The following CNTNAP2 variants were observed in gnomAD, a reference collection of about 807,000 sequenced individuals.
CNTNAP2 encodes the protein contactin associated protein 2.
Under a neutral mutation model 155.2 loss-of-function variants are expected in CNTNAP2, and 98 were observed. The ratio of observed to expected loss-of-function variants is 0.63; its 90% CI spans 0.54 to 0.75. The LOEUF (loss-of-function observed/expected upper bound fraction) is 0.75, where lower values mean the gene tolerates loss of function less well. CNTNAP2 is among the 30% of genes least tolerant of loss of function. The pLI is 0.00. For synonymous variants in CNTNAP2, 651 were observed against 631.2 expected (o/e 1.03, Z -0.47); for missense variants, 1,727 against 1,688.1 (o/e 1.02, Z -0.40).
intron 11 of CNTNAP2, among the ~76,000 whole-genome samples, chr7:147,553,812 AG>A (rs1353680867): frequency 6.6e-6 from 1 of 152,152 alleles, no homozygotes; most frequent in Non-Finnish European, 1.5e-5. Flanking sequence ...CTCTACTAAA[AG>A]CACAAAAATT....
chr7:147,546,934 A>G (rs891998595), intron 11 of CNTNAP2, among the ~76,000 whole-genome samples: 6 of 152,200 alleles, frequency 3.9e-5, no homozygotes, highest in East Asian at 1.9e-4. Flanking sequence ...GCTCTGCAGT[A>G]TCAATGAAAC....
chr7:146,408,508 A>C (rs1231323056), intron 1 of CNTNAP2, among the ~76,000 whole-genome samples: 1 of 151,964 alleles, frequency 6.6e-6, no homozygotes, highest in Non-Finnish European at 1.5e-5. Context: ...CATTCTCAGC[A>C]AACTGTCGCC....
chr7:148,062,841 G>A (rs1465369402), intron 15 of CNTNAP2, among the ~76,000 whole-genome samples: 1 of 152,124 alleles, frequency 6.6e-6, no homozygotes, highest in African/African-American at 2.4e-5. Context: ...TGAAGTTATA[G>A]TAGGGAGGAT....
intron 21 of CNTNAP2, among the ~76,000 whole-genome samples, chr7:148,267,670 A>AC (rs1796696807): frequency 6.6e-6 from 1 of 151,310 alleles, no homozygotes; most frequent in African/African-American, 2.4e-5. Flanking sequence ...AAAAAAAAAA[A>AC]AACAACCAAA....
chr7:146,751,792 C>T (rs1801908536), intron 1 of CNTNAP2, among the ~76,000 whole-genome samples: 1 of 151,946 alleles, frequency 6.6e-6, no homozygotes, highest in Non-Finnish European at 1.5e-5. Context: ...CAACCCCCGA[C>T]AGGCCTTGGT....
At chr7:147,377,752 A>G (rs531816515) in intron 9 of CNTNAP2, among the ~76,000 whole-genome samples, 42 of 151,920 alleles carry the variant, frequency 2.8e-4, no homozygotes, top group African/African-American at 9.6e-4. Flanking sequence ...ACTAAATTCT[A>G]CCTTTTGTTT....
At chr7:148,103,278 A>G (rs1318320607) in intron 15 of CNTNAP2, among the ~76,000 whole-genome samples, 1 of 151,222 alleles carries the variant, frequency 6.6e-6, no homozygotes, top group East Asian at 1.9e-4. Flanking sequence ...CCTAAGCAGT[A>G]CCCAGCTTGA....
chr7:146,672,209 C>T (rs1800322418), intron 1 of CNTNAP2, among the ~76,000 whole-genome samples: 1 of 152,164 alleles, frequency 6.6e-6, no homozygotes, highest in African/African-American at 2.4e-5. Flanking sequence ...CATTCCAAAA[C>T]GCAGTGACCG....
intron 1 of CNTNAP2, among the ~76,000 whole-genome samples, chr7:146,710,215 A>G (rs985549400): frequency 1.3e-5 from 2 of 152,158 alleles, no homozygotes; most frequent in African/African-American, 2.4e-5. Flanking sequence ...GGACACAAAC[A>G]CAAAATCTAA....
At chr7:147,482,322 A>C (rs904817649) in intron 10 of CNTNAP2, among the ~76,000 whole-genome samples, 1 of 152,160 alleles carries the variant, frequency 6.6e-6, no homozygotes, top group Admixed American at 6.5e-5. Context: ...ATATGGCGAT[A>C]GGGTTTGCAA....
At chr7:146,617,054 C>T (rs1252854983) in intron 1 of CNTNAP2, among the ~76,000 whole-genome samples, 2 of 151,682 alleles carry the variant, frequency 1.3e-5, no homozygotes, top group Non-Finnish European at 2.9e-5. Context: ...GAGTCTCGCT[C>T]TGTCGCCCAG....
At chr7:146,167,144 C>A (rs192772048) in intron 1 of CNTNAP2, among the ~76,000 whole-genome samples, 4 of 152,332 alleles carry the variant, frequency 2.6e-5, no homozygotes, top group Non-Finnish European at 5.9e-5. Context: ...CCAACAAGTA[C>A]TTTTCCTCTT....
At chr7:146,641,165 A>C (rs964313853) in intron 1 of CNTNAP2, among the ~76,000 whole-genome samples, 1 of 152,070 alleles carries the variant, frequency 6.6e-6, no homozygotes, top group African/African-American at 2.4e-5. Flanking sequence ...TCTTTACTAA[A>C]AATACAAAAA....
chr7:148,205,181 AGCT>A (rs1468171295), intron 18 of CNTNAP2, among the ~76,000 whole-genome samples: 1 of 152,254 alleles, frequency 6.6e-6, no homozygotes, highest in Admixed American at 6.5e-5. Context: ...CAGGCAGATC[AGCT>A]GAGCACGTGA....
chr7:146,619,292 A>C (rs1291397933), intron 1 of CNTNAP2, among the ~76,000 whole-genome samples: 2 of 152,074 alleles, frequency 1.3e-5, no homozygotes, highest in Non-Finnish European at 2.9e-5. Flanking sequence ...AATTAAACTC[A>C]AACTCAAGAC....
At chr7:146,715,900 T>G (rs1217769538) in intron 1 of CNTNAP2, among the ~76,000 whole-genome samples, 1 of 152,120 alleles carries the variant, frequency 6.6e-6, no homozygotes, top group African/African-American at 2.4e-5. Flanking sequence ...AAAACTCTGT[T>G]AGAGTGTTCA....
intron 11 of CNTNAP2, among the ~76,000 whole-genome samples, chr7:147,526,700 G>T (rs1584792319): frequency 6.6e-6 from 1 of 152,104 alleles, no homozygotes; most frequent in South Asian, 2.1e-4. Context: ...AAATCAATTA[G>T]ATTTTTTAAG....
At chr7:147,636,215 A>G (rs1230037790) in intron 12 of CNTNAP2, among the ~76,000 whole-genome samples, 4 of 152,128 alleles carry the variant, frequency 2.6e-5, no homozygotes, top group Admixed American at 2.6e-4. Context: ...GGGACACTGT[A>G]ACTGAACTTT....
At chr7:147,187,218 T>A in intron 8 of CNTNAP2, among the ~76,000 whole-genome samples, 1 of 152,056 alleles carries the variant, frequency 6.6e-6, no homozygotes, top group South Asian at 2.1e-4. Context: ...AGTGCTGCAG[T>A]TGAGGCATGT....
Sources: allele counts gnomAD v4.1 joint callset (sites outside exome capture counted in the v4.1 genomes callset), GRCh38; gene constraint gnomAD v4.1.1; transcripts MANE v1.5; gene names NCBI Gene and HGNC (gene_info 2026-07-23, HGNC 2026-07-21).